CCDC201: variants seen among roughly 807,000 people sequenced by gnomAD.
CCDC201 encodes coiled-coil domain-containing protein 201.
chr7:45,867,847 G>A (rs929822661), intron 1 of CCDC201, among the ~76,000 whole-genome samples: 1 of 152,192 alleles, frequency 6.6e-6, no homozygotes, highest in African/African-American at 2.4e-5. Flanking sequence ...TAATTTTGGG[G>A]GAGGCACAGC....
the CCDC201 span, among the ~76,000 whole-genome samples, chr7:45,881,708 C>T: frequency 1.6e-4 from 24 of 152,312 alleles, 1 homozygote; most frequent in Admixed American, 3.3e-4. Context: ...CCTCTTTCAC[C>T]CAACCCACTG....
At chr7:45,881,977 T>C in the CCDC201 span, among the ~76,000 whole-genome samples, 3 of 152,190 alleles carry the variant, frequency 2.0e-5, no homozygotes, top group Admixed American at 1.3e-4. Context: ...GCTTGGGAGA[T>C]AAGGGCAGCA....
the CCDC201 span, among the ~76,000 whole-genome samples, chr7:45,879,828 G>A: frequency 6.6e-6 from 1 of 152,216 alleles, no homozygotes; most frequent in Non-Finnish European, 1.5e-5. Context: ...GCTCATGCCT[G>A]TAAGTCCAAC....
chr7:45,863,203 G>A (rs906606557), intron 2 of CCDC201, 32 bp from the exon 3 acceptor site: 5 of 152,260 alleles, frequency 3.3e-5, no homozygotes, highest in African/African-American at 1.2e-4. Context: ...CCCCATAGCA[G>A]CATCCATCTT....
At chr7:45,865,601 C>A (rs1452998082) in intron 2 of CCDC201, among the ~76,000 whole-genome samples, 1 of 152,198 alleles carries the variant, frequency 6.6e-6, no homozygotes, top group Non-Finnish European at 1.5e-5. Flanking sequence ...ACATATCAGA[C>A]CTTCCCTGTC....
exon 3 of CCDC201, chr7:45,862,055 G>A (rs1496493): frequency 0.45 from 69,135 of 152,160 alleles, 16,642 homozygotes; most frequent in East Asian, 0.62. Flanking sequence ...TATTACCTTC[G>A]TATTATTGAT....
chr7:45,863,351 C>T (rs975043317), intron 2 of CCDC201, among the ~76,000 whole-genome samples, 180 bp from the exon 3 acceptor site: 1 of 152,144 alleles, frequency 6.6e-6, no homozygotes, highest in African/African-American at 2.4e-5. Context: ...ACTGTGCCAC[C>T]CAGAGGGCCC....
intron 1 of CCDC201, among the ~76,000 whole-genome samples, chr7:45,866,780 G>A (rs959211530): frequency 6.6e-6 from 1 of 152,164 alleles, no homozygotes; most frequent in Non-Finnish European, 1.5e-5. Flanking sequence ...TTCAAGAATA[G>A]GATTGAAGCA....
At chr7:45,871,392 T>A (rs1786741726) in intron 1 of CCDC201, among the ~76,000 whole-genome samples, 1 of 150,860 alleles carries the variant, frequency 6.6e-6, no homozygotes, top group East Asian at 1.9e-4. Flanking sequence ...AACAAAAAAA[T>A]TAAAAATCTG....
upstream of CCDC201, among the ~76,000 whole-genome samples, chr7:45,876,525 C>G (rs4146046): frequency 0.3 from 45,409 of 152,100 alleles, 7,063 homozygotes; most frequent in East Asian, 0.36. Flanking sequence ...TTCCAGGTCC[C>G]CAGAGTTGCC....
chr7:45,863,212 T>G (rs2116515315), intron 2 of CCDC201, 41 bp from the exon 3 acceptor site: 1 of 152,412 alleles, frequency 6.6e-6, no homozygotes, highest in East Asian at 1.9e-4. Flanking sequence ...AGCATCCATC[T>G]TTACTGGAGA....
At chr7:45,876,552 G>T (rs898658499), upstream of CCDC201, among the ~76,000 whole-genome samples, 15 of 152,158 alleles carry the variant, frequency 9.9e-5, no homozygotes, top group African/African-American at 3.6e-4. Flanking sequence ...CTCTAGGGTT[G>T]CCCTGACCTC....
At chr7:45,883,119 C>T in the CCDC201 span, among the ~76,000 whole-genome samples, 1 of 152,136 alleles carries the variant, frequency 6.6e-6, no homozygotes, top group Admixed American at 6.5e-5. Flanking sequence ...CTCCCCCACC[C>T]CTCCCTGCTC....
At chr7:45,876,649 A>G (rs530660440), upstream of CCDC201, among the ~76,000 whole-genome samples, 48 of 152,260 alleles carry the variant, frequency 3.2e-4, no homozygotes, top group East Asian at 8.7e-3. Context: ...CAGTGTAAGG[A>G]TATTTTGTTT....
At chr7:45,882,143 C>T in the CCDC201 span, among the ~76,000 whole-genome samples, 2 of 152,198 alleles carry the variant, frequency 1.3e-5, no homozygotes, top group Non-Finnish European at 2.9e-5. Context: ...TTGACTTTGC[C>T]CTTGACTCTT....
Position 45,863,165 on chromosome 7 carries a change from G to GCTCCATCT in CCDC201, c.478-2_483dup (p.Val163TrpfsTer41), listed in dbSNP as rs1254384447. 2 of 152,182 alleles carry GCTCCATCT rather than the reference G, an allele frequency of 1.3e-5. No individual in the cohort carries two copies. Among genetic ancestry groups the GCTCCATCT allele is most frequent in the Non-Finnish European group, 2.9e-5 (2 of 68,050 alleles). The allele number at this position is 152,182 out of a possible 1,614,324, so 9.4% of individuals were successfully genotyped here. A position where few individuals can be genotyped will look rare whatever the true frequency, so the allele number is the denominator to read the frequency against. ...ACGTAGATCTCCCACTGTCGCACTC[G>GCTCCATCT]CTCCATCTGTTTAAAGGAAAGGCAT... On this transcript the variant is annotated frameshift_variant, in exon 3 of 3. Coordinates refer to ENST00000636578, the Ensembl canonical transcript of CCDC201. LOFTEE classifies it low-confidence loss of function (END_TRUNC).
chr7:45,877,703 C>A (rs1786829699), upstream of CCDC201, among the ~76,000 whole-genome samples: 1 of 152,180 alleles, frequency 6.6e-6, no homozygotes, highest in South Asian at 2.1e-4. Context: ...CCCATCAGGA[C>A]CCTCCTTCAG....
the CCDC201 span, among the ~76,000 whole-genome samples, chr7:45,882,065 T>TC: frequency 6.6e-6 from 1 of 152,206 alleles, no homozygotes; most frequent in African/African-American, 2.4e-5. Flanking sequence ...TTGTTTTTTT[T>TC]CCCCGTGTTA....
At chr7:45,868,060 G>A (rs1297309506) in intron 1 of CCDC201, among the ~76,000 whole-genome samples, 1 of 152,188 alleles carries the variant, frequency 6.6e-6, no homozygotes, top group African/African-American at 2.4e-5. Context: ...TAATTTCTAT[G>A]GGTCAGGAAT....
Sources: gnomAD v4.1 joint callset for allele counts (sites outside exome capture counted in the v4.1 genomes callset) on GRCh38, gnomAD v4.1.1 for gene constraint, MANE v1.5 for transcripts, NCBI Gene and HGNC (gene_info 2026-07-23, HGNC 2026-07-21) for gene names.